Variants in PTPRT observed in about 807,000 individuals in gnomAD.
PTPRT encodes receptor-type tyrosine-protein phosphatase T.
In PTPRT, 56 loss-of-function variants were observed where a neutral mutation model predicts 176.8. That is an observed-to-expected ratio of 0.32 (90% CI 0.26 to 0.40). PTPRT has a LOEUF of 0.40. Among genes scored for constraint, PTPRT ranks in the 10% least tolerant of loss-of-function variants. The pLI is 1.00. For synonymous variants in PTPRT, 783 were observed against 739.0 expected (o/e 1.06, Z -0.96); for missense variants, 1,540 against 1,908.2 (o/e 0.81, Z 3.60).
chr20:42,875,657 A>T (rs208199), intron 2 of PTPRT, among the ~76,000 whole-genome samples: 41,882 of 152,048 alleles, frequency 0.28, 5,999 homozygotes, highest in African/African-American at 0.36. Flanking sequence ...TAGCCTTGGA[A>T]GGTGAAAACT....
At chr20:42,428,018 C>A (rs1416560513) in intron 9 of PTPRT, among the ~76,000 whole-genome samples, 1 of 152,198 alleles carries the variant, frequency 6.6e-6, no homozygotes, top group African/African-American at 2.4e-5. Context: ...TGGGACTCAG[C>A]CCTCCTGCAC....
rs2077115938 is a variant in PTPRT at position 42,775,090 on chromosome 20, G to A, written c.569-3540C>T. 2.0e-5 allele frequency among the ~76,000 whole-genome samples: 3 copies of A among 152,258 alleles called. No individual in the cohort carries two copies. In the South Asian group the frequency reaches 6.2e-4, roughly 32 times the overall value. On this transcript the variant is annotated intron_variant, in intron 4 of 30. Transcript: ENST00000373187. ...GTACCCAGGTCAGCCATCGGCTCGT[G>A]GTTCTAAGCATTTCCTACTCACTCC...
intron 7 of PTPRT, among the ~76,000 whole-genome samples, chr20:42,634,442 G>C (rs1388406061): frequency 2.6e-5 from 4 of 151,570 alleles, no homozygotes; most frequent in Admixed American, 6.6e-5. Context: ...TTGAAGAAGA[G>C]CTTCCCAGGA....
Position 42,225,988 on chromosome 20 carries a change from T to C in PTPRT, c.2342+10241A>G, listed in dbSNP as rs146454999. Among the ~76,000 whole-genome samples, 71 of 152,358 alleles carry C rather than the reference T, an allele frequency of 4.7e-4. 1 individual carries two copies. The highest frequency in any genetic ancestry group is 1.7e-3 in the African/African-American group (71 of 41,590). On this transcript the variant is annotated intron_variant, in intron 15 of 30. Coordinates refer to ENST00000373187, the MANE Select transcript of PTPRT (RefSeq NM_007050.6). The stretch of plus-strand genomic sequence containing the variant: ...TTTCTTTAAGGAAACATCTGGCATC[T>C]ACTTTATACCAAAAACTTTACTGGG...
chr20:42,484,555 T>C (rs1424577920), intron 7 of PTPRT, among the ~76,000 whole-genome samples: 5 of 152,192 alleles, frequency 3.3e-5, no homozygotes, highest in Non-Finnish European at 7.3e-5. Flanking sequence ...TCAGAAGGAA[T>C]GTAGCCCAAT....
At chr20:42,686,339 C>T (rs1220436151) in intron 6 of PTPRT, 2 of 152,062 alleles carry the variant, frequency 1.3e-5, no homozygotes, top group African/African-American at 4.8e-5. Context: ...GGTGGATAAA[C>T]ATCCAGGTTT....
intron 7 of PTPRT, among the ~76,000 whole-genome samples, chr20:42,598,465 C>T (rs750451830): frequency 2.8e-4 from 43 of 152,018 alleles, no homozygotes; most frequent in Non-Finnish European, 5.9e-4. Context: ...ATAGTATACT[C>T]AAGGGCATCT....
intron 7 of PTPRT, among the ~76,000 whole-genome samples, chr20:42,604,135 A>G (rs1046801615): frequency 9.2e-5 from 14 of 152,196 alleles, no homozygotes; most frequent in African/African-American, 2.7e-4. Flanking sequence ...TCAGGCAGAC[A>G]TGGGGCCTAA....
intron 2 of PTPRT, among the ~76,000 whole-genome samples, chr20:42,820,922 T>C (rs1356659468): frequency 6.6e-6 from 1 of 152,180 alleles, no homozygotes; most frequent in African/African-American, 2.4e-5. Flanking sequence ...CAGTAATTAA[T>C]GGGCTACCAA....
chr20:42,822,757 A>G (rs2077918846), intron 2 of PTPRT, among the ~76,000 whole-genome samples: 1 of 152,234 alleles, frequency 6.6e-6, no homozygotes, highest in Admixed American at 6.5e-5. Flanking sequence ...ACACTTCTCA[A>G]ACGAAGACAT....
At chr20:42,746,366 G>C (rs1050185979) in intron 6 of PTPRT, among the ~76,000 whole-genome samples, 4 of 152,152 alleles carry the variant, frequency 2.6e-5, no homozygotes, top group Non-Finnish European at 4.4e-5. Context: ...GGAGTCAGAG[G>C]CTAAGGGTGG....
At chr20:42,063,457 T>C in the PTPRT span, 1 of 152,198 alleles carries the variant, frequency 6.6e-6, no homozygotes, top group East Asian at 1.9e-4. Flanking sequence ...CAGAGACAGA[T>C]GGATTCACCT....
At chr20:42,867,740 G>A (rs1312099000) in intron 2 of PTPRT, among the ~76,000 whole-genome samples, 1 of 146,760 alleles carries the variant, frequency 6.8e-6, no homozygotes, top group African/African-American at 2.6e-5. Flanking sequence ...GGAGTCCAGA[G>A]GCACTATGTC....
chr20:42,347,980 A>G (rs1468705749), intron 11 of PTPRT, among the ~76,000 whole-genome samples: 1 of 152,218 alleles, frequency 6.6e-6, no homozygotes, highest in Non-Finnish European at 1.5e-5. Flanking sequence ...TCAAGAGGAC[A>G]GAGGTGTGGC....
At chr20:42,859,964 A>G (rs1295716165) in intron 2 of PTPRT, among the ~76,000 whole-genome samples, 1 of 152,094 alleles carries the variant, frequency 6.6e-6, no homozygotes, top group Non-Finnish European at 1.5e-5. Context: ...TTATGGCTGT[A>G]CCTTCAATGG....
intron 1 of PTPRT, among the ~76,000 whole-genome samples, chr20:43,138,345 G>C (rs2013898765): frequency 6.6e-6 from 1 of 152,242 alleles, no homozygotes; most frequent in Non-Finnish European, 1.5e-5. Context: ...CACCCGGGCT[G>C]CCGGCGTGGC....
intron 8 of PTPRT, among the ~76,000 whole-genome samples, chr20:42,454,629 G>A (rs1035231248): frequency 1.3e-5 from 2 of 152,056 alleles, no homozygotes; most frequent in Admixed American, 6.5e-5. Context: ...TCCTTTTCCT[G>A]TTGCATATGT....
intron 7 of PTPRT, among the ~76,000 whole-genome samples, chr20:42,518,683 T>C (rs1255535897): frequency 6.6e-6 from 1 of 152,108 alleles, no homozygotes; most frequent in African/African-American, 2.4e-5. Flanking sequence ...TTGGCTTTGT[T>C]GATCTTCTGG....
rs147172036 is a variant in PTPRT, at chr20:42,321,255, G to A, written c.1866-5259C>T. Among the ~76,000 whole-genome samples, 519 of 152,178 alleles carry A rather than the reference G, an allele frequency of 3.4e-3. 2 individuals are homozygous for A. The highest frequency in any genetic ancestry group is 4.8e-3 in the Non-Finnish European group (326 of 68,010). ...CAAGATCAATAGTTCTCAACTTGTG[G>A]CTGCATATTATAATTACCCAGAGGG... On this transcript the variant is annotated intron_variant, in intron 11 of 30. Coordinates refer to ENST00000373187, the MANE Select transcript of PTPRT (RefSeq NM_007050.6).
Sources: allele counts gnomAD v4.1 joint callset (sites outside exome capture counted in the v4.1 genomes callset), GRCh38; gene constraint gnomAD v4.1.1; transcripts MANE v1.5; gene names NCBI Gene and HGNC (gene_info 2026-07-23, HGNC 2026-07-21).